Variants in PAX5 observed in about 807,000 individuals in gnomAD.
The protein encoded by PAX5 is paired box protein Pax-5.
In PAX5, 9 loss-of-function variants were observed where a neutral mutation model predicts 43.7. The observed-to-expected ratio is 0.21, with a 90% CI of 0.12 to 0.36. The LOEUF is 0.36. PAX5 is among the 10% of genes least tolerant of loss of function. The pLI is 1.00. For missense variants in PAX5, 383 were observed against 532.7 expected, an observed-to-expected ratio of 0.72 and a Z score of 2.77; for synonymous variants, 228 against 214.3, an observed-to-expected ratio of 1.06 and a Z score of -0.56.
intron 7 of PAX5, among the ~76,000 whole-genome samples, chr9:36,919,563 G>C (rs981474292): frequency 9.9e-5 from 15 of 152,138 alleles, no homozygotes; most frequent in Admixed American, 8.5e-4. Context: ...TCACAATTTG[G>C]CTGGGCACGG....
chr9:36,872,090 C>T (rs1023087401), intron 8 of PAX5, among the ~76,000 whole-genome samples: 6 of 152,234 alleles, frequency 3.9e-5, no homozygotes, highest in Non-Finnish European at 5.9e-5. Flanking sequence ...TGGGAGCCCT[C>T]CTCCCAGGTG....
rs193077356 is a variant in PAX5 at position 37,017,328 on chromosome 9, C to G, written c.213-2134G>C. Reference sequence around the variant, plus strand: ...GGAAGACTAAGTGACTTGCCCAACTCCCTTCTGTAGTTAGGGACAGCCCCA... The same window carrying G: ...GGAAGACTAAGTGACTTGCCCAACTGCCTTCTGTAGTTAGGGACAGCCCCA... On this transcript the variant is annotated intron_variant, in intron 2 of 9. Coordinates refer to ENST00000358127, the MANE Select transcript of PAX5 (RefSeq NM_016734.3). 3.4e-3 allele frequency among the ~76,000 whole-genome samples: 522 copies of G among 152,316 alleles called. 9 individuals carry two copies. The highest frequency in any genetic ancestry group is 1.5e-3 in the Non-Finnish European group (100 of 68,030).
chr9:36,891,008 G>A (rs1283870897), intron 7 of PAX5, among the ~76,000 whole-genome samples: 1 of 152,122 alleles, frequency 6.6e-6, no homozygotes. Context: ...GCATGGTGGT[G>A]CACGCCTGTA....
At chr9:36,865,504 G>C (rs1442876169) in intron 8 of PAX5, among the ~76,000 whole-genome samples, 1 of 152,204 alleles carries the variant, frequency 6.6e-6, no homozygotes, top group African/African-American at 2.4e-5. Context: ...GAATGAATAA[G>C]TGAGTCAAGG....
In PAX5 at chr9:36,846,934, G is replaced by A. The variant is rs776870070; in HGVS notation, c.1013-5C>T. ...GACTCCCGGAAAACTCACTCCCTGT[G>A]TATGGTGGGTGGAGAGAGAAACAGG... On this transcript the variant is annotated splice_region_variant and splice_polypyrimidine_tract_variant and intron_variant, in intron 8 of 9. Coordinates refer to ENST00000358127, the MANE Select transcript of PAX5 (RefSeq NM_016734.3). The A allele has an allele frequency of 5.6e-6, 9 of 1,600,372 alleles. No individual in the cohort carries two copies. The highest frequency in any genetic ancestry group is 2.2e-5 in the East Asian group (1 of 44,814).
At chr9:36,920,345 C>T (rs1309969114) in intron 7 of PAX5, among the ~76,000 whole-genome samples, 2 of 152,128 alleles carry the variant, frequency 1.3e-5, no homozygotes, top group Admixed American at 6.5e-5. Flanking sequence ...TCAATTGATG[C>T]AGCAAACTTC....
chr9:36,931,362 A>T (rs1186295971), intron 6 of PAX5, among the ~76,000 whole-genome samples: 1 of 152,152 alleles, frequency 6.6e-6, no homozygotes, highest in African/African-American at 2.4e-5. Context: ...GTCTCCTTCC[A>T]CTGCTGATGC....
At chr9:36,923,908 A>G (rs917581789) in intron 6 of PAX5, among the ~76,000 whole-genome samples, 2 of 152,204 alleles carry the variant, frequency 1.3e-5, no homozygotes, top group African/African-American at 2.4e-5. Flanking sequence ...CTCTTAAACC[A>G]CAAAGGTAGA....
intron 3 of PAX5, among the ~76,000 whole-genome samples, chr9:37,011,818 C>T (rs778469556): frequency 7.2e-5 from 11 of 152,146 alleles, no homozygotes; most frequent in Non-Finnish European, 1.5e-4. Flanking sequence ...CCATCACTCC[C>T]TCCCCAGCTG....
intron 5 of PAX5, among the ~76,000 whole-genome samples, chr9:36,969,964 T>C (rs930661634): frequency 2.0e-5 from 3 of 152,232 alleles, no homozygotes; most frequent in Non-Finnish European, 4.4e-5. Flanking sequence ...GTTTAACAAA[T>C]ATTGATAAAA....
In PAX5 at chr9:36,966,684, C is replaced by T. The variant is rs145912840; in HGVS notation, c.645G>A (p.Pro215=). ...TCTGCTTCCGGAGGAAGTCTCTGCCCGGAAGCGAGTGGCCGTTCGGCACCG... is the reference window on the plus strand; with the variant it reads ...TCTGCTTCCGGAGGAAGTCTCTGCCTGGAAGCGAGTGGCCGTTCGGCACCG... ...ESPVPNGHSL[P]GRDFLRKQMR... The change falls in exon 6 of 10, where the codon CCG becomes CCA. Residue 215 remains proline (P), a synonymous_variant. Transcript: ENST00000358127. 48 of 1,614,038 alleles carry T rather than the reference C, an allele frequency of 3.0e-5. No homozygotes were observed. Among genetic ancestry groups the T allele is most frequent in the Middle Eastern group, 3.3e-4 (2 of 6,084 alleles).
At position 36,886,172 on chromosome 9, in the gene PAX5, C is replaced by A. The variant is rs144634626; in HGVS notation, c.911-4067G>T. On this transcript the variant is annotated intron_variant, in intron 7 of 9. Coordinates refer to ENST00000358127, the MANE Select transcript of PAX5 (RefSeq NM_016734.3). Reference sequence around the variant, plus strand: ...CAGCCTGGTGCAGCCAATCCCCAGCCGACCCCAAGTGCACTAGCAAGAATA... The same window carrying A: ...CAGCCTGGTGCAGCCAATCCCCAGCAGACCCCAAGTGCACTAGCAAGAATA... 2.6e-5 allele frequency among the ~76,000 whole-genome samples: 4 copies of A among 152,166 alleles called. No homozygotes were observed. In the East Asian group the frequency reaches 7.7e-4, roughly 29 times the overall value.
At chr9:36,881,551 G>A (rs916674008) in intron 8 of PAX5, among the ~76,000 whole-genome samples, 5 of 151,818 alleles carry the variant, frequency 3.3e-5, no homozygotes, top group African/African-American at 9.7e-5. Context: ...CCAACATCCC[G>A]TCTGTCCTGA....
At chr9:36,962,149 C>A (rs1834028788) in intron 6 of PAX5, among the ~76,000 whole-genome samples, 2 of 152,190 alleles carry the variant, frequency 1.3e-5, no homozygotes, top group Admixed American at 6.5e-5. Context: ...GAGGAATGTT[C>A]TTCCCATGGG....
At chr9:36,930,757 G>T (rs931911594) in intron 6 of PAX5, 3 of 916,844 alleles carry the variant, frequency 3.3e-6, no homozygotes, top group African/African-American at 3.4e-5. Flanking sequence ...AGAATCTGAG[G>T]GGTAAGGAGA....
chr9:36,869,911 GATGGATGGATGGATGGATGGATGGATAA>G (rs1563914694), intron 8 of PAX5, among the ~76,000 whole-genome samples: 27 of 147,226 alleles, frequency 1.8e-4, no homozygotes, highest in African/African-American at 5.0e-4. Flanking sequence ...TGGATGGATG[GATGGATGGATGGATGGATGGATGGATAA>G]ATGGATGGAT....
At chr9:36,878,961 C>T (rs139283868) in intron 8 of PAX5, among the ~76,000 whole-genome samples, 41 of 152,152 alleles carry the variant, frequency 2.7e-4, no homozygotes, top group Admixed American at 1.1e-3. Context: ...GAGGAAAAGA[C>T]GGAGGAAGAG....
At chr9:36,872,549 C>T (rs1825581769) in intron 8 of PAX5, among the ~76,000 whole-genome samples, 1 of 152,188 alleles carries the variant, frequency 6.6e-6, no homozygotes, top group Admixed American at 6.5e-5. Flanking sequence ...AGAATCAGAA[C>T]CTAGGTCTCC....
chr9:36,892,346 G>T (rs1259538459), intron 7 of PAX5, among the ~76,000 whole-genome samples: 1 of 152,244 alleles, frequency 6.6e-6, no homozygotes, highest in African/African-American at 2.4e-5. Flanking sequence ...AGGATGCAAA[G>T]ATGATAACAG....
Sources: gnomAD v4.1 joint callset for allele counts (sites outside exome capture counted in the v4.1 genomes callset) on GRCh38, gnomAD v4.1.1 for gene constraint, MANE v1.5 for transcripts, NCBI Gene and HGNC (gene_info 2026-07-23, HGNC 2026-07-21) for gene names.